ZNF287: variants seen among roughly 807,000 people sequenced by gnomAD.
ZNF287 encodes the protein zinc finger protein 287, also known as zinc finger protein with KRAB and SCAN domains 13.
In ZNF287, 31 loss-of-function variants were observed where a neutral mutation model predicts 73.7. The observed-to-expected ratio is 0.42, with a 90% CI of 0.32 to 0.57. The LOEUF (loss-of-function observed/expected upper bound fraction) is 0.57, where lower values mean the gene tolerates loss of function less well. ZNF287 is among the 20% of genes least tolerant of loss of function. The pLI is 0.13. For missense variants in ZNF287, 641 were observed against 909.3 expected (o/e 0.70, Z 3.79); for synonymous variants, 301 against 307.2 (o/e 0.98, Z 0.21).
chr17:16,562,659 T>C (rs1907517553), intron 5 of ZNF287, among the ~76,000 whole-genome samples: 1 of 151,984 alleles, frequency 6.6e-6, no homozygotes, highest in East Asian at 1.9e-4. Flanking sequence ...TTATATACTT[T>C]TAAACATTTT....
chr17:16,550,721 C>A lies in ZNF287; in HGVS notation c.*1135G>T, dbSNP rs1906594466. ...GAGGATCCAATTAGGAAGTTTGGGA[C>A]CTGAGCATAGTAGACACTCAAGAAA... On this transcript the variant is annotated 3_prime_UTR_variant, in exon 6 of 6. Transcript: ENST00000395825. Among the ~76,000 whole-genome samples, 1 of 152,124 alleles carries A rather than the reference C, an allele frequency of 6.6e-6. No homozygotes were observed. The highest frequency in any genetic ancestry group is 2.4e-5 in the African/African-American group (1 of 41,426).
At position 16,551,355 on chromosome 17, in the gene ZNF287, A is replaced by G. The variant is rs28414896; in HGVS notation, c.*501T>C. On this transcript the variant is annotated 3_prime_UTR_variant, in exon 6 of 6. Coordinates refer to ENST00000395825, the MANE Select transcript of ZNF287 (RefSeq NM_020653.4). ...TGTACAGTTGACCCTTGAACAACAC[A>G]TTTGAACTGTACAGATCCATTTATA... The G allele has an allele frequency of 0.13, 20,033 of 153,732 alleles. 2,735 individuals are homozygous for G. The highest frequency in any genetic ancestry group is 0.35 in the African/African-American group (14,317 of 41,446). 9.5% of individuals were successfully genotyped at this position (153,732 alleles called of 1,614,324 possible). A position where few individuals can be genotyped will look rare whatever the true frequency, so the allele number is the denominator to read the frequency against.
At chr17:16,563,009 C>T in intron 5 of ZNF287, 137 bp downstream of exon 5, 1 of 635,820 alleles carries the variant, frequency 1.6e-6, no homozygotes, top group Non-Finnish European at 2.7e-6. Context: ...GGAAGCAATG[C>T]CAAACAGCTC....
chr17:16,551,480 C>A lies in ZNF287; in HGVS notation c.*376G>T. ...GGCTTTTCATATACACAGGTTCCAC[C>A]AGGCTGACCGTGCAACTTGAGTATG... is the stretch of plus-strand genomic sequence containing the variant. On this transcript the variant is annotated 3_prime_UTR_variant, in exon 6 of 6. Coordinates refer to ENST00000395825, the MANE Select transcript of ZNF287 (RefSeq NM_020653.4). The A allele has an allele frequency of 1.0e-5, 2 of 191,146 alleles. No individual in the cohort carries two copies. Among genetic ancestry groups the A allele is most frequent in the South Asian group, 1.3e-4 (1 of 7,466 alleles). 11.8% of individuals were successfully genotyped at this position (191,146 alleles called of 1,614,324 possible).
chr17:16,563,873 G>T, intron 3 of ZNF287, 48 bp from the exon 4 acceptor site: 1 of 1,596,552 alleles, frequency 6.3e-7, no homozygotes, highest in Admixed American at 1.7e-5. Context: ...TAATGGCAAA[G>T]GGGACACTGA....
chr17:16,559,822 A>C (rs1907307290), intron 5 of ZNF287, among the ~76,000 whole-genome samples: 1 of 152,248 alleles, frequency 6.6e-6, no homozygotes, highest in Non-Finnish European at 1.5e-5. Context: ...ACATGTCAAA[A>C]AGATGCTGGA....
At position 16,566,479 on chromosome 17, in the gene ZNF287, C is replaced by T. The variant is rs763367347; in HGVS notation, c.501+46G>A. The T allele has an allele frequency of 3.9e-6, 6 of 1,531,274 alleles. No individual in the cohort carries two copies. In the Admixed American group the frequency reaches 1.0e-4, roughly 27 times the overall value. The allele number at this position is 1,531,274 out of a possible 1,614,324, so 94.9% of individuals were successfully genotyped here. On this transcript the variant is annotated intron_variant, in intron 3 of 5. Transcript: ENST00000395825. The stretch of plus-strand genomic sequence containing the variant: ...AGGGCCAGGTCAGAAAATGTCCTCA[C>T]ACACTAAGAAGGCATTTTAAAATCA...
chr17:16,553,916 T>C (rs1040472001), intron 5 of ZNF287, among the ~76,000 whole-genome samples: 3 of 152,200 alleles, frequency 2.0e-5, no homozygotes, highest in Non-Finnish European at 2.9e-5. Context: ...AAGGCAGTCC[T>C]CCCAATAGCA....
chr17:16,559,768 C>T (rs1252573115), intron 5 of ZNF287, among the ~76,000 whole-genome samples: 2 of 152,200 alleles, frequency 1.3e-5, no homozygotes, highest in Admixed American at 1.3e-4. Context: ...TAAAGAACAT[C>T]TGGCTGTGCC....
intron 3 of ZNF287, 121 bp downstream of exon 3, chr17:16,566,404 G>A (rs1226044303): frequency 1.4e-6 from 1 of 735,264 alleles, no homozygotes; most frequent in Non-Finnish European, 2.2e-6. Context: ...ACATAGGAGA[G>A]AAACTGGGGC....
In ZNF287 at chr17:16,549,202, T is replaced by C. The variant is rs1288918415; in HGVS notation, c.*2654A>G. Among the ~76,000 whole-genome samples the C allele has an allele frequency of 2.0e-5, 3 of 152,184 alleles. No individual in the cohort carries two copies. Among genetic ancestry groups the C allele is most frequent in the Non-Finnish European group, 4.4e-5 (3 of 68,028 alleles). Reference sequence around the variant, plus strand: ...AAATAAGGCTATTTGCTAAAAACTGTTGAATAATTTGCGGGTCAGACAACT... The same window carrying C: ...AAATAAGGCTATTTGCTAAAAACTGCTGAATAATTTGCGGGTCAGACAACT... On this transcript the variant is annotated 3_prime_UTR_variant, in exon 6 of 6. Transcript: ENST00000395825.
chr17:16,567,961 AATCCCTGGTGTACTCTACTATAC>A, intron 1 of ZNF287, 32 bp from the exon 2 acceptor site: 1 of 1,395,566 alleles, frequency 7.2e-7, no homozygotes, highest in Non-Finnish European at 9.3e-7. Context: ...CAAGGTCAAG[AATCCCTGGTGTACTCTACTATAC>A]ATATACACAC....
At chr17:16,568,087 A>T in intron 1 of ZNF287, 158 bp from the exon 2 acceptor site, 1 of 635,050 alleles carries the variant, frequency 1.6e-6, no homozygotes, top group Non-Finnish European at 2.0e-6. Flanking sequence ...GGGAACTGCC[A>T]TCTGCTTGGG....
chr17:16,566,391 A>G, intron 3 of ZNF287, 134 bp downstream of exon 3: 1 of 644,728 alleles, frequency 1.6e-6, no homozygotes, highest in Admixed American at 3.3e-5. Context: ...ACAGACCAAG[A>G]TAACATAGGA....
At position 16,563,816 on chromosome 17, in the gene ZNF287, T is replaced by A; in HGVS notation, c.511A>T (p.Thr171Ser). The part of the protein sequence containing the change: ...LNDLVTKESM[T>S]FKDVAVDITQ... ...ATGTCTACAGCCACATCTTTGAATG[T>A]CATCGATTCCTAAAATATCAAATGT... is the stretch of plus-strand genomic sequence containing the variant. The change falls in exon 4 of 6, where the codon ACA becomes TCA. Residue 171 changes from threonine to serine, a missense_variant. Physicochemically the swap from Thr to Ser is moderately conservative, Grantham distance 58. Coordinates refer to ENST00000395825, the MANE Select transcript of ZNF287 (RefSeq NM_020653.4). The A allele has an allele frequency of 6.2e-7, 1 of 1,613,134 alleles. No homozygotes were observed. Among genetic ancestry groups the A allele is most frequent in the African/African-American group, 1.3e-5 (1 of 75,012 alleles).
intron 3 of ZNF287, among the ~76,000 whole-genome samples, chr17:16,564,948 G>C (rs1907661453): frequency 6.6e-6 from 1 of 151,956 alleles, no homozygotes; most frequent in African/African-American, 2.4e-5. Flanking sequence ...CCAAACTCCT[G>C]ACCTCAGGTG....
rs575486027 is a variant in ZNF287, at chr17:16,549,395, C to G, written c.*2461G>C. 2.0e-4 allele frequency among the ~76,000 whole-genome samples: 30 copies of G among 152,264 alleles called. No homozygotes were observed. Among genetic ancestry groups the G allele is most frequent in the Admixed American group, 1.8e-3 (28 of 15,304 alleles). On this transcript the variant is annotated 3_prime_UTR_variant, in exon 6 of 6. Coordinates refer to ENST00000395825, the MANE Select transcript of ZNF287 (RefSeq NM_020653.4). ...TAACAGAGTAATGCAAAGGAAGGCG[C>G]TATGGACTGTCACATGCCACATGCT...
In ZNF287 at chr17:16,566,704, C is replaced by G. The variant is rs1050714876; in HGVS notation, c.404-82G>C. ...ACCCCTCACCAAATAGATGCCTACA[C>G]TTTCTTAAATCGAGAAGTAAGAAGG... On this transcript the variant is annotated intron_variant, in intron 2 of 5. Coordinates refer to ENST00000395825, the MANE Select transcript of ZNF287 (RefSeq NM_020653.4). The G allele has an allele frequency of 1.2e-5, 11 of 919,888 alleles. No homozygotes were observed. In the African/African-American group the frequency reaches 1.9e-4, roughly 16 times the overall value. The allele number at this position is 919,888 out of a possible 1,614,324, so 57.0% of individuals were successfully genotyped here.
In ZNF287 at chr17:16,550,747, C is replaced by A. The variant is rs1906596918; in HGVS notation, c.*1109G>T. Reference sequence around the variant, plus strand: ...CTGAGCATAGTAGACACTCAAGAAACGTGTTTCAGTGGAAGAAATGAACTT... The same window carrying A: ...CTGAGCATAGTAGACACTCAAGAAAAGTGTTTCAGTGGAAGAAATGAACTT... On this transcript the variant is annotated 3_prime_UTR_variant, in exon 6 of 6. Transcript: ENST00000395825. 6.6e-6 allele frequency among the ~76,000 whole-genome samples: 1 copy of A among 152,054 alleles called. No homozygotes were observed. Among genetic ancestry groups the A allele is most frequent in the African/African-American group, 2.4e-5 (1 of 41,388 alleles).
Sources: gnomAD v4.1 joint callset for allele counts (sites outside exome capture counted in the v4.1 genomes callset) on GRCh38, gnomAD v4.1.1 for gene constraint, MANE v1.5 for transcripts, NCBI Gene and HGNC (gene_info 2026-07-23, HGNC 2026-07-21) for gene names.